CHD9: variants seen among roughly 807,000 people sequenced by gnomAD.
CHD9 encodes the protein ATP-dependent chromatin remodeler CHD9.
A neutral mutation model predicts 316.1 loss-of-function variants in CHD9; 77 were observed. The ratio of observed to expected loss-of-function variants is 0.24; its 90% CI spans 0.20 to 0.29. CHD9 has a LOEUF of 0.29. CHD9 is among the 10% of genes least tolerant of loss of function. CHD9 has a pLI of 1.00. For synonymous variants in CHD9, 1,129 were observed against 1,158.3 expected (o/e 0.97, Z 0.51); for missense variants, 2,763 against 3,438.1 (o/e 0.80, Z 4.91).
chr16:53,237,044 C>T (rs2048694627), intron 11 of CHD9, among the ~76,000 whole-genome samples: 1 of 152,084 alleles, frequency 6.6e-6, no homozygotes, highest in Non-Finnish European at 1.5e-5. Context: ...CCTCTTGCTA[C>T]CTGAGTGTCT....
intron 2 of CHD9, among the ~76,000 whole-genome samples, chr16:53,187,518 A>G (rs1462896126): frequency 6.6e-6 from 1 of 152,120 alleles, no homozygotes; most frequent in South Asian, 2.1e-4. Flanking sequence ...AAAGAAAAAA[A>G]AGTGTAGAGT....
At chr16:53,294,534 C>T (rs1251740729) in intron 29 of CHD9, among the ~76,000 whole-genome samples, 1 of 152,128 alleles carries the variant, frequency 6.6e-6, no homozygotes, top group Admixed American at 6.5e-5. Flanking sequence ...TTCTGAGATA[C>T]CTAGAAGAGC....
At chr16:53,323,960 C>G in intron 38 of CHD9, 60 bp from the exon 39 acceptor site, 1 of 1,352,950 alleles carries the variant, frequency 7.4e-7, no homozygotes, top group Non-Finnish European at 1.0e-6. Context: ...GTATGATAAG[C>G]TAATAACTCT....
intron 1 of CHD9, among the ~76,000 whole-genome samples, chr16:53,111,103 T>C (rs1314754308): frequency 1.3e-5 from 2 of 152,162 alleles, no homozygotes; most frequent in Non-Finnish European, 2.9e-5. Flanking sequence ...GTGAGACTCA[T>C]AGGCCTGGGT....
chr16:53,208,255 T>G, intron 2 of CHD9: 2 of 1,221,080 alleles, frequency 1.6e-6, no homozygotes, highest in South Asian at 2.9e-5. Flanking sequence ...TTCAATGCTT[T>G]TTTCTTGAGC....
chr16:53,117,684 G>A (rs545719716), intron 1 of CHD9, among the ~76,000 whole-genome samples: 71 of 151,862 alleles, frequency 4.7e-4, no homozygotes, highest in African/African-American at 1.7e-3. Flanking sequence ...CCAAGGTGCT[G>A]GGATTACAGA....
intron 1 of CHD9, among the ~76,000 whole-genome samples, chr16:53,102,915 G>A (rs560697371): frequency 4.6e-5 from 7 of 151,940 alleles, no homozygotes; most frequent in East Asian, 3.9e-4. Context: ...GCGCAGTCTC[G>A]GCTCACTGCA....
At chr16:53,214,020 G>C (rs2046540367) in intron 3 of CHD9, among the ~76,000 whole-genome samples, 2 of 152,076 alleles carry the variant, frequency 1.3e-5, no homozygotes, top group Admixed American at 6.5e-5. Context: ...TCAAACTCTA[G>C]TAGGAATTAA....
At chr16:53,139,992 G>A (rs1020535061) in intron 1 of CHD9, among the ~76,000 whole-genome samples, 5 of 151,644 alleles carry the variant, frequency 3.3e-5, no homozygotes, top group East Asian at 2.0e-4. Context: ...CCAGCTACTC[G>A]AGAGGCTGAG....
At chr16:53,097,282 G>C (rs2036453298) in intron 1 of CHD9, among the ~76,000 whole-genome samples, 1 of 152,176 alleles carries the variant, frequency 6.6e-6, no homozygotes, top group South Asian at 2.1e-4. Flanking sequence ...CTCGCTGTGA[G>C]AGATATCTAA....
chr16:53,210,776 A>C (rs1429412921), intron 3 of CHD9, among the ~76,000 whole-genome samples: 2 of 152,092 alleles, frequency 1.3e-5, no homozygotes, highest in African/African-American at 4.8e-5. Flanking sequence ...CAATTTTATA[A>C]ATCAAATGAA....
rs187077680 is a variant in CHD9 at position 53,252,774 on chromosome 16, A to G, written c.3862-1664A>G. 5.9e-5 allele frequency among the ~76,000 whole-genome samples: 9 copies of G among 152,282 alleles called. No homozygotes were observed. In the East Asian group the frequency reaches 1.7e-3, roughly 29 times the overall value. ...ACAATTATCAAAAGAAGATATACAA[A>G]TGGCTGACAAACATGTGAAAAGATG... is the stretch of plus-strand genomic sequence containing the variant. On this transcript the variant is annotated intron_variant, in intron 17 of 38. Coordinates refer to ENST00000447540, the MANE Select transcript of CHD9 (RefSeq NM_001308319.2).
At chr16:53,134,152 TA>T (rs1204761017) in intron 1 of CHD9, among the ~76,000 whole-genome samples, 2 of 152,084 alleles carry the variant, frequency 1.3e-5, no homozygotes, top group Non-Finnish European at 2.9e-5. Flanking sequence ...AATGAGTGAA[TA>T]AAAAACACAG....
At chr16:53,092,594 C>T (rs150895309) in intron 1 of CHD9, among the ~76,000 whole-genome samples, 340 of 152,192 alleles carry the variant, frequency 2.2e-3, no homozygotes, top group Admixed American at 3.3e-3. Flanking sequence ...TAAGTGCCTT[C>T]TCAGCTCCCT....
chr16:53,196,315 A>T (rs1477212265), intron 2 of CHD9, among the ~76,000 whole-genome samples: 5 of 151,940 alleles, frequency 3.3e-5, no homozygotes, highest in Non-Finnish European at 5.9e-5. Flanking sequence ...TTTGTAACCA[A>T]ACCTACCTCT....
intron 2 of CHD9, among the ~76,000 whole-genome samples, chr16:53,202,332 A>T (rs368176647): frequency 6.6e-6 from 1 of 152,054 alleles, no homozygotes; most frequent in South Asian, 2.1e-4. Context: ...TAGAAAACAT[A>T]TAAACCAAAT....
chr16:53,096,316 C>T (rs1455989062), intron 1 of CHD9, among the ~76,000 whole-genome samples: 1 of 152,066 alleles, frequency 6.6e-6, no homozygotes, highest in Non-Finnish European at 1.5e-5. Flanking sequence ...GTCGCCAATA[C>T]CCAACACAAT....
At chr16:53,114,198 C>A (rs140290688) in intron 1 of CHD9, among the ~76,000 whole-genome samples, 113 of 152,218 alleles carry the variant, frequency 7.4e-4, no homozygotes, top group African/African-American at 2.5e-3. Flanking sequence ...GGTCTAATTT[C>A]TTCCATGAAG....
intron 16 of CHD9, 21 bp from the exon 17 acceptor site, chr16:53,249,850 T>C (rs543076609): frequency 6.4e-7 from 1 of 1,571,576 alleles, no homozygotes; most frequent in Admixed American, 1.7e-5. Flanking sequence ...TTATGTAAAT[T>C]TATTCCATTT....
Sources: gnomAD v4.1 joint callset for allele counts (sites outside exome capture counted in the v4.1 genomes callset) on GRCh38, gnomAD v4.1.1 for gene constraint, MANE v1.5 for transcripts, NCBI Gene and HGNC (gene_info 2026-07-23, HGNC 2026-07-21) for gene names.